The following DPF3 variants were observed in gnomAD, a reference collection of about 807,000 sequenced individuals.
DPF3 encodes zinc finger protein DPF3.
DPF3 carries 18 observed loss-of-function variants against 56.8 expected under a neutral mutation model. The observed-to-expected ratio is 0.32, with a 90% CI of 0.22 to 0.47. DPF3 has a LOEUF of 0.47. DPF3 is among the 20% of genes least tolerant of loss of function. The probability of loss-of-function intolerance (pLI) is 1.00; values close to 1 mark genes in which losing one functional copy is unlikely to be tolerated. For missense variants in DPF3, 403 were observed against 488.8 expected (o/e 0.82, Z 1.65); for synonymous variants, 188 against 180.2 (o/e 1.04, Z -0.35).
At chr14:72,756,006 G>A (rs1044146556) in intron 2 of DPF3, among the ~76,000 whole-genome samples, 5 of 152,148 alleles carry the variant, frequency 3.3e-5, no homozygotes, top group East Asian at 1.9e-4. Context: ...ATATGTGTGC[G>A]TGCATGTGCA....
chr14:72,726,841 G>A (rs1327271757), intron 4 of DPF3, among the ~76,000 whole-genome samples: 1 of 151,104 alleles, frequency 6.6e-6, no homozygotes, highest in African/African-American at 2.5e-5. Context: ...GTTTGTGGTT[G>A]TGTTTAAAAA....
At chr14:72,881,339 T>TTGC (rs1217045903) in intron 1 of DPF3, among the ~76,000 whole-genome samples, 5 of 141,294 alleles carry the variant, frequency 3.5e-5, no homozygotes, top group African/African-American at 1.3e-4. Context: ...GTTGTTGCTG[T>TTGC]TGTTGTTGTT....
chr14:72,612,517 A>T lies in DPF3; in HGVS notation c.*6780T>A. On this transcript the variant is annotated 3_prime_UTR_variant, in exon 11 of 11. Coordinates refer to ENST00000556509, the MANE Select transcript of DPF3 (RefSeq NM_001280542.3). ...GTATATTTTCTTTTTCCTATACGCC[A>T]CTGTTGCTTCCCACTTCCCACCTCC... 1 of 518,172 alleles carries T rather than the reference A, an allele frequency of 1.9e-6. No homozygotes were observed. Among genetic ancestry groups the T allele is most frequent in the South Asian group, 1.4e-5 (1 of 71,560 alleles). 32.1% of individuals were successfully genotyped at this position (518,172 alleles called of 1,614,324 possible).
intron 1 of DPF3, among the ~76,000 whole-genome samples, chr14:72,883,251 A>G (rs946989638): frequency 6.6e-6 from 1 of 152,184 alleles, no homozygotes. Flanking sequence ...ACTTGAGGCC[A>G]GAAGTTCAAG....
intron 1 of DPF3, among the ~76,000 whole-genome samples, chr14:72,774,341 T>C (rs1264307224): frequency 1.3e-5 from 2 of 149,918 alleles, no homozygotes; most frequent in African/African-American, 4.9e-5. Context: ...TGCTGAGTCA[T>C]ATGGTAGCTC....
rs1418262333 is a variant in DPF3 at position 72,614,778 on chromosome 14, A to G, written c.*4519T>C. Reference sequence around the variant, plus strand: ...TGTTGCCCAGGATCACAAGCCTCAGAAAAAAAAAAAAGAGTTACAATCACT... The same window carrying G: ...TGTTGCCCAGGATCACAAGCCTCAGGAAAAAAAAAAAGAGTTACAATCACT... On this transcript the variant is annotated 3_prime_UTR_variant, in exon 11 of 11. Coordinates refer to ENST00000556509, the MANE Select transcript of DPF3 (RefSeq NM_001280542.3). 6.4e-5 allele frequency among the ~76,000 whole-genome samples: 3 copies of G among 46,716 alleles called. No individual in the cohort carries two copies. The highest frequency in any genetic ancestry group is 1.5e-4 in the African/African-American group (1 of 6,860). The allele number at this position is 46,716 out of a possible 152,430, so 30.6% of individuals were successfully genotyped here. A position where few individuals can be genotyped will look rare whatever the true frequency, so the allele number is the denominator to read the frequency against.
At chr14:72,888,433 C>CATA (rs1477394505) in intron 1 of DPF3, among the ~76,000 whole-genome samples, 1 of 152,188 alleles carries the variant, frequency 6.6e-6, no homozygotes, top group African/African-American at 2.4e-5. Flanking sequence ...TGTGAAACAC[C>CATA]AGTAACCGGA....
rs952383239 is a variant in DPF3 at position 72,609,235 on chromosome 14, G to A, written c.*10062C>T. Among the ~76,000 whole-genome samples the A allele has an allele frequency of 6.6e-6, 1 of 152,132 alleles. No individual in the cohort carries two copies. The highest frequency in any genetic ancestry group is 6.6e-5 in the Admixed American group (1 of 15,266). On this transcript the variant is annotated 3_prime_UTR_variant, in exon 11 of 11. Coordinates refer to ENST00000556509, the MANE Select transcript of DPF3 (RefSeq NM_001280542.3). Reference sequence around the variant, plus strand: ...GGGGTCCCAAAGAAGAAGGCTGCTCGATCCCCACATTCTTCATCTCATCAG... The same window carrying A: ...GGGGTCCCAAAGAAGAAGGCTGCTCAATCCCCACATTCTTCATCTCATCAG...
At chr14:72,873,248 A>G (rs1885973092) in intron 1 of DPF3, among the ~76,000 whole-genome samples, 1 of 152,226 alleles carries the variant, frequency 6.6e-6, no homozygotes, top group South Asian at 2.1e-4. Context: ...CAACCCCATC[A>G]ACAAGTGGGC....
At chr14:72,838,478 AG>A (rs1209897721) in intron 1 of DPF3, among the ~76,000 whole-genome samples, 1 of 152,136 alleles carries the variant, frequency 6.6e-6, no homozygotes, top group African/African-American at 2.4e-5. Context: ...TGGGCAACAG[AG>A]TGAGACCCTG....
At chr14:72,646,516 G>A (rs1306820761) in intron 8 of DPF3, among the ~76,000 whole-genome samples, 1 of 152,210 alleles carries the variant, frequency 6.6e-6, no homozygotes, top group East Asian at 1.9e-4. Flanking sequence ...AGTAAAACAA[G>A]TCTGACTTTG....
chr14:72,671,492 G>T, intron 8 of DPF3: 1 of 1,089,592 alleles, frequency 9.2e-7, no homozygotes, highest in Non-Finnish European at 1.4e-6. Flanking sequence ...CTGGTGACGG[G>T]GATTTGGGAC....
At chr14:72,862,101 T>G (rs575315050) in intron 1 of DPF3, among the ~76,000 whole-genome samples, 115 of 152,318 alleles carry the variant, frequency 7.5e-4, no homozygotes, top group Middle Eastern at 3.4e-3. Context: ...CAATGTGCTT[T>G]AAGAATGGGA....
chr14:72,748,110 C>T (rs1247716858), intron 3 of DPF3, among the ~76,000 whole-genome samples: 3 of 152,176 alleles, frequency 2.0e-5, no homozygotes, highest in Non-Finnish European at 2.9e-5. Flanking sequence ...AAGAAGACAG[C>T]GAAATGTGGG....
intron 7 of DPF3, among the ~76,000 whole-genome samples, chr14:72,677,991 A>C (rs1416101502): frequency 3.3e-5 from 5 of 152,172 alleles, no homozygotes; most frequent in African/African-American, 1.2e-4. Flanking sequence ...GGAGAAGAAA[A>C]GGAAGCAGAC....
chr14:72,746,900 A>G (rs1990437), intron 3 of DPF3, among the ~76,000 whole-genome samples: 146,009 of 152,362 alleles, frequency 0.96, 69,974 homozygotes, highest in East Asian at 0.99. Context: ...CCTTCCCCTC[A>G]CATGTTACGG....
At chr14:72,752,040 C>T (rs189844491) in intron 3 of DPF3, among the ~76,000 whole-genome samples, 1 of 152,290 alleles carries the variant, frequency 6.6e-6, no homozygotes, top group Non-Finnish European at 1.5e-5. Flanking sequence ...TTGAAGCGAA[C>T]AATCAAAGCA....
At position 72,615,198 on chromosome 14, in the gene DPF3, G is replaced by A. The variant is rs533634552; in HGVS notation, c.*4099C>T. Among the ~76,000 whole-genome samples the A allele has an allele frequency of 1.6e-4, 25 of 152,230 alleles. 1 individual carries two copies. The South Asian group carries it at 5.2e-3, about 32-fold the overall frequency. ...GGCTAAAAACCAGCCTGGGGGGCAG[G>A]GATGTGGTCCTCAGGGCCCGCCCTG... On this transcript the variant is annotated 3_prime_UTR_variant, in exon 11 of 11. Transcript: ENST00000556509.
At chr14:72,713,124 C>T (rs1241105067) in intron 6 of DPF3, among the ~76,000 whole-genome samples, 1 of 152,242 alleles carries the variant, frequency 6.6e-6, no homozygotes, top group Non-Finnish European at 1.5e-5. Flanking sequence ...CCAAGGCAGG[C>T]ACCTCCTGGT....
Sources: allele counts gnomAD v4.1 joint callset (sites outside exome capture counted in the v4.1 genomes callset), GRCh38; gene constraint gnomAD v4.1.1; transcripts MANE v1.5; gene names NCBI Gene and HGNC (gene_info 2026-07-23, HGNC 2026-07-21).